The following CDH7 variants were observed in gnomAD, a reference collection of about 807,000 sequenced individuals.
The protein encoded by CDH7 is cadherin-7.
A neutral mutation model predicts 71.8 loss-of-function variants in CDH7; 25 were observed. That is an observed-to-expected ratio of 0.35 (90% CI 0.25 to 0.49). CDH7 has a LOEUF of 0.49. CDH7 is among the 20% of genes least tolerant of loss of function. CDH7 has a pLI of 0.99. For synonymous variants in CDH7, 381 were observed against 363.8 expected, an observed-to-expected ratio of 1.05 and a Z score of -0.54; for missense variants, 862 against 974.6, an observed-to-expected ratio of 0.88 and a Z score of 1.54.
chr18:65,836,351 A>G (rs895442394), intron 6 of CDH7, among the ~76,000 whole-genome samples: 2 of 152,166 alleles, frequency 1.3e-5, no homozygotes, highest in Admixed American at 6.5e-5. Context: ...ATGAATAAGA[A>G]TCTGGATAGG....
Position 65,882,719 on chromosome 18 carries a change from A to G in CDH7, c.*1825A>G, listed in dbSNP as rs1366522982. The G allele has an allele frequency of 6.6e-6, 1 of 152,146 alleles. No homozygotes were observed. Among genetic ancestry groups the G allele is most frequent in the East Asian group, 1.9e-4 (1 of 5,200 alleles). 9.4% of individuals were successfully genotyped at this position (152,146 alleles called of 1,614,324 possible). ...CTTCTTGCTGTATTAATATGCATAT[A>G]TATTTTAAAAAATTATAACAGTGAA... On this transcript the variant is annotated 3_prime_UTR_variant, in exon 12 of 12. Transcript: ENST00000397968.
intron 2 of CDH7, among the ~76,000 whole-genome samples, chr18:65,794,011 G>A (rs1324161900): frequency 4.6e-5 from 7 of 152,090 alleles, no homozygotes; most frequent in African/African-American, 1.7e-4. Flanking sequence ...CAGGGCAGAA[G>A]GGGGAATATA....
intron 7 of CDH7, among the ~76,000 whole-genome samples, chr18:65,849,901 C>A (rs764296265): frequency 4.0e-5 from 6 of 151,790 alleles, no homozygotes; most frequent in Admixed American, 1.3e-4. Context: ...CGGTGGCTCA[C>A]GTCTGTAATC....
intron 2 of CDH7, among the ~76,000 whole-genome samples, chr18:65,807,659 G>T (rs1174479318): frequency 6.6e-6 from 1 of 152,164 alleles, no homozygotes; most frequent in African/African-American, 2.4e-5. Context: ...TAAGCGGCCC[G>T]GGGACTGGAA....
In CDH7 at chr18:65,762,870, C is replaced by T; in HGVS notation, c.28C>T (p.His10Tyr). 11 of 1,612,702 alleles carry T rather than the reference C, an allele frequency of 6.8e-6. No homozygotes were observed. Among genetic ancestry groups the T allele is most frequent in the Non-Finnish European group, 9.3e-6 (11 of 1,179,470 alleles). The change falls in exon 2 of 12, where the codon CAT becomes TAT. Residue 10 changes from histidine to tyrosine, a missense_variant. Physicochemically the swap from His to Tyr is moderately conservative, Grantham distance 83. Coordinates refer to ENST00000397968, the MANE Select transcript of CDH7 (RefSeq NM_004361.5). ...GAAGTTGGGCAAAGTGGAGTTCTGCCATTTTCTGCAGCTAATAGCTCTTTT... is the reference window on the plus strand; with the variant it reads ...GAAGTTGGGCAAAGTGGAGTTCTGCTATTTTCTGCAGCTAATAGCTCTTTT... Reference protein sequence around the residue: MKLGKVEFCHFLQLIALFLC... With the variant: MKLGKVEFCYFLQLIALFLC...
At chr18:65,879,751 C>T (rs374574409) in intron 11 of CDH7, among the ~76,000 whole-genome samples, 37 of 152,128 alleles carry the variant, frequency 2.4e-4, no homozygotes, top group African/African-American at 8.4e-4. Flanking sequence ...TTAAATTTAT[C>T]TTTGAGAGTT....
intron 2 of CDH7, among the ~76,000 whole-genome samples, chr18:65,801,112 G>T (rs542209443): frequency 3.9e-5 from 6 of 152,280 alleles, no homozygotes; most frequent in African/African-American, 9.6e-5. Flanking sequence ...GAAGGCGGGG[G>T]TTACTTGATT....
At chr18:65,773,939 T>G (rs1916621019) in intron 2 of CDH7, among the ~76,000 whole-genome samples, 1 of 152,056 alleles carries the variant, frequency 6.6e-6, no homozygotes, top group Admixed American at 6.6e-5. Context: ...CACACTAATT[T>G]TAAATGAACA....
chr18:65,798,632 G>A (rs1321763661), intron 2 of CDH7, among the ~76,000 whole-genome samples: 1 of 152,204 alleles, frequency 6.6e-6, no homozygotes, highest in Non-Finnish European at 1.5e-5. Context: ...GAGCAAAGCA[G>A]CCTAGGACTT....
chr18:65,862,803 G>T lies in CDH7; in HGVS notation c.1750G>T (p.Asp584Tyr). 1 of 1,614,172 alleles carries T rather than the reference G, an allele frequency of 6.2e-7. No homozygotes were observed. Among genetic ancestry groups the T allele is most frequent in the Admixed American group, 1.7e-5 (1 of 60,022 alleles). ...STNTLTIRVC[D>Y]CDADGVAQTC... is the part of the protein sequence containing the mutation. ...CAACACCCTCACCATCCGCGTGTGT[G>T]ACTGTGATGCTGACGGCGTAGCCCA... is the stretch of plus-strand genomic sequence containing the variant. The change falls in exon 11 of 12, where the codon GAC becomes TAC. Residue 584 changes from aspartate to tyrosine, a missense_variant. Transcript: ENST00000397968.
chr18:65,762,773 C>T lies in CDH7; in HGVS notation c.-70C>T. On this transcript the variant is annotated 5_prime_UTR_variant, in exon 2 of 12. It introduces an in-frame stop codon into an upstream open reading frame of the 5' UTR. Coordinates refer to ENST00000397968, the MANE Select transcript of CDH7 (RefSeq NM_004361.5). Reference sequence around the variant, plus strand: ...CTGCCGGAGGCAAGAGCTACTAAGCCAACTGGAACTGTGCCTTTTCTCTTG... The same window carrying T: ...CTGCCGGAGGCAAGAGCTACTAAGCTAACTGGAACTGTGCCTTTTCTCTTG... 1 of 1,351,840 alleles carries T rather than the reference C, an allele frequency of 7.4e-7. No homozygotes were observed. The highest frequency in any genetic ancestry group is 2.1e-5 in the Admixed American group (1 of 47,646). 83.7% of individuals were successfully genotyped at this position (1,351,840 alleles called of 1,614,324 possible).
intron 9 of CDH7, 55 bp downstream of exon 9, chr18:65,859,101 A>T: frequency 6.5e-7 from 1 of 1,541,418 alleles, no homozygotes; most frequent in South Asian, 1.1e-5. Flanking sequence ...AAAAATATCC[A>T]GCAGCAGTTG....
chr18:65,797,180 C>G (rs915917653), intron 2 of CDH7, among the ~76,000 whole-genome samples: 2 of 152,100 alleles, frequency 1.3e-5, no homozygotes, highest in African/African-American at 2.4e-5. Context: ...TGGCCAGTCT[C>G]TCCTAGGAAA....
intron 2 of CDH7, among the ~76,000 whole-genome samples, chr18:65,796,772 C>T (rs762491902): frequency 1.4e-4 from 21 of 152,084 alleles, no homozygotes; most frequent in Non-Finnish European, 2.8e-4. Context: ...TGCTGACTCG[C>T]TTGAGCAATT....
At chr18:65,866,454 A>T (rs1417552705) in intron 11 of CDH7, 1 of 151,856 alleles carries the variant, frequency 6.6e-6, no homozygotes, top group Non-Finnish European at 1.5e-5. Context: ...TTAAAGCTAC[A>T]TGTAACATGA....
chr18:65,876,838 G>T (rs1914087499), intron 11 of CDH7, among the ~76,000 whole-genome samples: 1 of 152,138 alleles, frequency 6.6e-6, no homozygotes, highest in Admixed American at 6.6e-5. Context: ...ATAATAAATT[G>T]TTAACATATT....
chr18:65,768,042 T>A (rs1275725282), intron 2 of CDH7, among the ~76,000 whole-genome samples: 1 of 152,172 alleles, frequency 6.6e-6, no homozygotes, highest in African/African-American at 2.4e-5. Flanking sequence ...TATGCCTGAT[T>A]ATAGCCAAAC....
intron 2 of CDH7, among the ~76,000 whole-genome samples, chr18:65,780,794 T>C (rs1215954247): frequency 6.6e-6 from 1 of 152,084 alleles, no homozygotes; most frequent in Non-Finnish European, 1.5e-5. Flanking sequence ...GCGGGCTCTT[T>C]TTTGGTTCCA....
At chr18:65,806,351 T>C (rs554354584) in intron 2 of CDH7, among the ~76,000 whole-genome samples, 1 of 152,234 alleles carries the variant, frequency 6.6e-6, no homozygotes, top group Non-Finnish European at 1.5e-5. Flanking sequence ...GAAAAGGATT[T>C]AGGAACCCAG....
Sources: allele counts gnomAD v4.1 joint callset (sites outside exome capture counted in the v4.1 genomes callset), GRCh38; gene constraint gnomAD v4.1.1; transcripts MANE v1.5; gene names NCBI Gene and HGNC (gene_info 2026-07-23, HGNC 2026-07-21).